The following CNTN3 variants were observed in gnomAD, a reference collection of about 807,000 sequenced individuals.
CNTN3 encodes the protein contactin 3.
In CNTN3, 60 loss-of-function variants were observed where a neutral mutation model predicts 119.1. That is an observed-to-expected ratio of 0.50 (90% CI 0.41 to 0.62). The LOEUF (loss-of-function observed/expected upper bound fraction) is 0.62. Among genes scored for constraint, CNTN3 ranks in the 20% least tolerant of loss-of-function variants. The probability of loss-of-function intolerance (pLI) is 0.00; values close to 1 mark genes in which losing one functional copy is unlikely to be tolerated. For synonymous variants in CNTN3, 450 were observed against 438.7 expected (o/e 1.03, Z -0.32); for missense variants, 1,101 against 1,242.4 (o/e 0.89, Z 1.71).
chr3:74,313,736 G>A (rs535029881), intron 13 of CNTN3, among the ~76,000 whole-genome samples: 15 of 152,236 alleles, frequency 9.9e-5, no homozygotes, highest in African/African-American at 3.6e-4. Flanking sequence ...TGTCTGGATG[G>A]CAAAGCTGGC....
intron 5 of CNTN3, among the ~76,000 whole-genome samples, chr3:74,399,629 T>C (rs554115395): frequency 1.2e-4 from 18 of 152,296 alleles, no homozygotes; most frequent in African/African-American, 4.3e-4. Flanking sequence ...TATAACAGAA[T>C]GATTTATATT....
At chr3:74,459,202 T>G (rs1183820814) in intron 4 of CNTN3, among the ~76,000 whole-genome samples, 1 of 151,990 alleles carries the variant, frequency 6.6e-6, no homozygotes, top group African/African-American at 2.4e-5. Flanking sequence ...TTTCCCCATG[T>G]TGCCTCTTCC....
At chr3:74,443,619 T>C (rs1220396232) in intron 4 of CNTN3, among the ~76,000 whole-genome samples, 1 of 152,124 alleles carries the variant, frequency 6.6e-6, no homozygotes, top group Non-Finnish European at 1.5e-5. Flanking sequence ...ATGGAAGTCC[T>C]TTCCCTCTAT....
chr3:74,612,688 A>G (rs919456783), intron 1 of CNTN3, among the ~76,000 whole-genome samples: 3 of 152,188 alleles, frequency 2.0e-5, no homozygotes, highest in Admixed American at 2.0e-4. Context: ...GCAATTTGCT[A>G]TATTTCCCTG....
In CNTN3 at chr3:74,318,868, T is replaced by G. The variant is rs182028083; in HGVS notation, c.1668+15867A>C. Among the ~76,000 whole-genome samples the G allele has an allele frequency of 3.1e-3, 471 of 152,248 alleles. 6 individuals are homozygous for G. Among genetic ancestry groups the G allele is most frequent in the African/African-American group, 0.011 (457 of 41,548 alleles). On this transcript the variant is annotated intron_variant, in intron 13 of 22. Coordinates refer to ENST00000263665, the MANE Select transcript of CNTN3 (RefSeq NM_020872.3). ...TCCAGCTGCATGCTGGGAGAACCACTAGTCTCTTCAAAGCTGTCAGACAGG... is the reference window on the plus strand; with the variant it reads ...TCCAGCTGCATGCTGGGAGAACCACGAGTCTCTTCAAAGCTGTCAGACAGG...
At chr3:74,363,225 C>T (rs1185349086) in intron 10 of CNTN3, among the ~76,000 whole-genome samples, 1 of 152,160 alleles carries the variant, frequency 6.6e-6, no homozygotes, top group South Asian at 2.1e-4. Flanking sequence ...GATCATCCCT[C>T]CAGGCATCAT....
intron 13 of CNTN3, among the ~76,000 whole-genome samples, chr3:74,312,120 G>A (rs1312420626): frequency 6.6e-6 from 1 of 152,066 alleles, no homozygotes; most frequent in Non-Finnish European, 1.5e-5. Context: ...GGGGAAAACA[G>A]ACCATTTTGA....
chr3:74,382,662 T>C (rs1704650774), intron 5 of CNTN3, among the ~76,000 whole-genome samples: 1 of 152,238 alleles, frequency 6.6e-6, no homozygotes, highest in Admixed American at 6.5e-5. Flanking sequence ...GCGTAATGTC[T>C]TCCAGGTTCA....
At chr3:74,311,339 G>A (rs185717549) in intron 13 of CNTN3, among the ~76,000 whole-genome samples, 18 of 152,170 alleles carry the variant, frequency 1.2e-4, no homozygotes, top group African/African-American at 4.3e-4. Flanking sequence ...TTTGATATCA[G>A]CTGTAACTAT....
intron 1 of CNTN3, among the ~76,000 whole-genome samples, chr3:74,544,720 T>G (rs896710820): frequency 6.6e-6 from 1 of 152,150 alleles, no homozygotes; most frequent in Non-Finnish European, 1.5e-5. Context: ...TGCCTCAGCC[T>G]CCCAAGTAGC....
intron 5 of CNTN3, among the ~76,000 whole-genome samples, chr3:74,389,883 C>T (rs1704850998): frequency 6.6e-6 from 1 of 152,234 alleles, no homozygotes; most frequent in South Asian, 2.1e-4. Flanking sequence ...AGATCCCAAA[C>T]CTAATGACTT....
intron 2 of CNTN3, among the ~76,000 whole-genome samples, chr3:74,512,849 A>G (rs1261876244): frequency 6.6e-6 from 1 of 152,050 alleles, no homozygotes; most frequent in East Asian, 1.9e-4. Flanking sequence ...TTATCTACAT[A>G]ATTATGCTCC....
intron 4 of CNTN3, among the ~76,000 whole-genome samples, chr3:74,476,620 A>C (rs1002788303): frequency 7.2e-5 from 11 of 152,196 alleles, no homozygotes; most frequent in African/African-American, 2.7e-4. Context: ...TAACAAAACA[A>C]CACTATGAAT....
At chr3:74,405,806 C>T (rs887958180) in intron 5 of CNTN3, among the ~76,000 whole-genome samples, 1 of 152,012 alleles carries the variant, frequency 6.6e-6, no homozygotes, top group Non-Finnish European at 1.5e-5. Flanking sequence ...TCCAAGAAGA[C>T]TATCCAGTTT....
intron 3 of CNTN3, among the ~76,000 whole-genome samples, chr3:74,489,243 A>G (rs1356898444): frequency 6.6e-6 from 1 of 152,132 alleles, no homozygotes; most frequent in African/African-American, 2.4e-5. Flanking sequence ...TTTCCCAGTG[A>G]CTAATATGCA....
At chr3:74,583,629 T>C (rs1704549650) in intron 1 of CNTN3, among the ~76,000 whole-genome samples, 1 of 152,212 alleles carries the variant, frequency 6.6e-6, no homozygotes, top group African/African-American at 2.4e-5. Context: ...GCAAGTCTTG[T>C]ATACCTTTCT....
At chr3:74,328,385 T>A (rs554385245) in intron 13 of CNTN3, among the ~76,000 whole-genome samples, 2 of 152,360 alleles carry the variant, frequency 1.3e-5, no homozygotes, top group African/African-American at 4.8e-5. Flanking sequence ...TATTCTTTGA[T>A]GGAAATTAAC....
At chr3:74,352,712 G>A (rs1374556841) in intron 11 of CNTN3, among the ~76,000 whole-genome samples, 1 of 152,134 alleles carries the variant, frequency 6.6e-6, no homozygotes, top group Non-Finnish European at 1.5e-5. Flanking sequence ...CTAGGCAGAA[G>A]GCAGGGACAT....
At chr3:74,268,221 G>A (rs530992747) in intron 20 of CNTN3, among the ~76,000 whole-genome samples, 2 of 152,206 alleles carry the variant, frequency 1.3e-5, no homozygotes, top group Admixed American at 6.5e-5. Flanking sequence ...AGGGTGTTGA[G>A]GGATGGCCGA....
Sources: allele counts gnomAD v4.1 joint callset (sites outside exome capture counted in the v4.1 genomes callset), GRCh38; gene constraint gnomAD v4.1.1; transcripts MANE v1.5; gene names NCBI Gene and HGNC (gene_info 2026-07-23, HGNC 2026-07-21).